Variants in TBL1XR1 observed in about 807,000 individuals in gnomAD.
The protein encoded by TBL1XR1 is TBL1X/Y related 1.
In TBL1XR1, 5 loss-of-function variants were observed where a neutral mutation model predicts 66.9. The observed-to-expected ratio is 0.07, with a 90% CI of 0.04 to 0.16. TBL1XR1 has a LOEUF of 0.16. Ranked by LOEUF, TBL1XR1 falls within the 10% of genes least tolerant of loss-of-function variation. The probability of loss-of-function intolerance (pLI) is 1.00; values close to 1 mark genes in which losing one functional copy is unlikely to be tolerated. For synonymous variants in TBL1XR1, 210 were observed against 206.0 expected (o/e 1.02, Z -0.17); for missense variants, 238 against 623.2 (o/e 0.38, Z 6.58).
chr3:177,072,580 T>C (rs946899334), intron 2 of TBL1XR1, among the ~76,000 whole-genome samples: 3 of 152,198 alleles, frequency 2.0e-5, no homozygotes, highest in African/African-American at 7.2e-5. Flanking sequence ...GCTGTGTGTG[T>C]AACAAAGTGC....
intron 1 of TBL1XR1, among the ~76,000 whole-genome samples, chr3:177,168,528 C>A (rs1733097622): frequency 6.6e-6 from 1 of 152,120 alleles, no homozygotes; most frequent in Non-Finnish European, 1.5e-5. Flanking sequence ...GTGATCCACC[C>A]ACCTGGGCCT....
At chr3:177,136,418 A>C (rs1438970276) in intron 1 of TBL1XR1, among the ~76,000 whole-genome samples, 3 of 152,074 alleles carry the variant, frequency 2.0e-5, no homozygotes, top group Non-Finnish European at 4.4e-5. Flanking sequence ...CCAAGTGGCA[A>C]GCAGGCGCCA....
At chr3:177,038,538 C>G (rs1715128500) in intron 10 of TBL1XR1, 104 bp from the exon 11 acceptor site, 3 of 1,116,562 alleles carry the variant, frequency 2.7e-6, no homozygotes, top group South Asian at 5.6e-5. Flanking sequence ...CTAACAGGCA[C>G]TTAAACATTT....
chr3:177,145,239 AC>A (rs1730110492), intron 1 of TBL1XR1, among the ~76,000 whole-genome samples: 1 of 152,240 alleles, frequency 6.6e-6, no homozygotes, highest in Non-Finnish European at 1.5e-5. Flanking sequence ...GGCAAATCTG[AC>A]CCACTGTGTT....
chr3:177,120,765 A>C (rs1726892177), intron 1 of TBL1XR1: 1 of 152,230 alleles, frequency 6.6e-6, no homozygotes, highest in South Asian at 2.1e-4. Flanking sequence ...CTGACTACAT[A>C]ATCAATTGAG....
intron 1 of TBL1XR1, among the ~76,000 whole-genome samples, chr3:177,142,280 A>G (rs1729725501): frequency 2.0e-5 from 3 of 152,246 alleles, no homozygotes; most frequent in African/African-American, 7.2e-5. Flanking sequence ...CTCCCCCATT[A>G]GCAGTATGAC....
At chr3:177,167,529 C>CTCTG (rs1732969063) in intron 1 of TBL1XR1, among the ~76,000 whole-genome samples, 2 of 152,280 alleles carry the variant, frequency 1.3e-5, no homozygotes, top group Non-Finnish European at 2.9e-5. Flanking sequence ...AACCAACGTA[C>CTCTG]CACTCTGGTG....
At chr3:177,030,151 C>G (rs890547399) in intron 14 of TBL1XR1, among the ~76,000 whole-genome samples, 4 of 149,530 alleles carry the variant, frequency 2.7e-5, no homozygotes, top group Admixed American at 1.3e-4. Flanking sequence ...GAGAGAGAGA[C>G]AGACACACAC....
intron 2 of TBL1XR1, among the ~76,000 whole-genome samples, chr3:177,081,284 C>A (rs1169135083): frequency 6.6e-6 from 1 of 152,184 alleles, no homozygotes; most frequent in Admixed American, 6.5e-5. Context: ...CTTTCATTTA[C>A]ATGAAATTTA....
At chr3:177,200,159 A>G (rs1737311841), upstream of TBL1XR1, among the ~76,000 whole-genome samples, 1 of 152,034 alleles carries the variant, frequency 6.6e-6, no homozygotes, top group South Asian at 2.1e-4. Context: ...TTTAGTAGAG[A>G]TGGGGTTTCT....
At chr3:177,143,029 A>G (rs565594280) in intron 1 of TBL1XR1, among the ~76,000 whole-genome samples, 4 of 150,426 alleles carry the variant, frequency 2.7e-5, no homozygotes, top group Non-Finnish European at 4.4e-5. Flanking sequence ...TGGTCATTTC[A>G]CTATTTAAAA....
rs116468226 is a variant in TBL1XR1 at position 177,166,372 on chromosome 3, G to A, written c.-122+30749C>T. On this transcript the variant is annotated intron_variant, in intron 1 of 15. Coordinates refer to ENST00000457928, the MANE Select transcript of TBL1XR1 (RefSeq NM_024665.7). ...GAGACCTTATTCAAAGAACACATACGTATGTAAATATGCATGTGAAAAGAT... is the reference window on the plus strand; with the variant it reads ...GAGACCTTATTCAAAGAACACATACATATGTAAATATGCATGTGAAAAGAT... Among the ~76,000 whole-genome samples the A allele has an allele frequency of 3.0e-3, 463 of 152,242 alleles. 1 individual carries two copies. The highest frequency in any genetic ancestry group is 0.011 in the African/African-American group (449 of 41,556).
At chr3:177,158,185 A>AAAAT (rs1263390184) in intron 1 of TBL1XR1, among the ~76,000 whole-genome samples, 3 of 151,636 alleles carry the variant, frequency 2.0e-5, no homozygotes, top group Non-Finnish European at 4.4e-5. Flanking sequence ...AACAAAAAAA[A>AAAAT]CCCTGCTGCA....
At chr3:177,092,347 A>G (rs1477869213) in intron 2 of TBL1XR1, among the ~76,000 whole-genome samples, 1 of 152,182 alleles carries the variant, frequency 6.6e-6, no homozygotes, top group Non-Finnish European at 1.5e-5. Flanking sequence ...TATAACCACC[A>G]ATTTACAGAA....
At chr3:177,163,661 T>G (rs1410817256) in intron 1 of TBL1XR1, among the ~76,000 whole-genome samples, 1 of 152,172 alleles carries the variant, frequency 6.6e-6, no homozygotes, top group African/African-American at 2.4e-5. Context: ...CTTAATTACT[T>G]TTATATATAT....
At chr3:177,027,511 T>C (rs1237156367) in intron 14 of TBL1XR1, 3 of 152,254 alleles carry the variant, frequency 2.0e-5, no homozygotes, top group African/African-American at 4.8e-5. Flanking sequence ...GGTCCTGTTA[T>C]GAAAACTGAA....
chr3:177,073,090 AAG>A (rs1720255193), intron 2 of TBL1XR1, among the ~76,000 whole-genome samples: 1 of 152,210 alleles, frequency 6.6e-6, no homozygotes. Flanking sequence ...ATACATTAGT[AAG>A]TAATACAAAA....
intron 1 of TBL1XR1, among the ~76,000 whole-genome samples, chr3:177,159,266 T>C (rs1161510010): frequency 6.6e-6 from 1 of 152,180 alleles, no homozygotes; most frequent in African/African-American, 2.4e-5. Flanking sequence ...AAGAAGTAGC[T>C]ACTTGAAATT....
intron 2 of TBL1XR1, among the ~76,000 whole-genome samples, chr3:177,097,386 A>G (rs1723634000): frequency 1.3e-5 from 2 of 152,104 alleles, no homozygotes; most frequent in South Asian, 4.1e-4. Flanking sequence ...TTTTTTTAAG[A>G]GAGAATCACT....
Sources: gnomAD v4.1 joint callset for allele counts (sites outside exome capture counted in the v4.1 genomes callset) on GRCh38, gnomAD v4.1.1 for gene constraint, MANE v1.5 for transcripts, NCBI Gene and HGNC (gene_info 2026-07-23, HGNC 2026-07-21) for gene names.